Variants in NUP155 observed in about 807,000 individuals in gnomAD.
NUP155 encodes the protein nucleoporin 155, also known as nuclear pore complex protein Nup155.
NUP155 carries 71 observed loss-of-function variants against 180.4 expected under a neutral mutation model. That is an observed-to-expected ratio of 0.39 (90% confidence interval 0.33 to 0.48). NUP155 has a LOEUF of 0.48. Among genes scored for constraint, NUP155 ranks in the 20% least tolerant of loss-of-function variants. NUP155 has a pLI of 0.91. For synonymous variants in NUP155, 582 were observed against 559.5 expected (o/e 1.04, Z -0.57); for missense variants, 1,553 against 1,648.9 (o/e 0.94, Z 1.01).
intron 21 of NUP155, among the ~76,000 whole-genome samples, chr5:37,315,589 C>A (rs770170131): frequency 1.3e-5 from 2 of 148,838 alleles, no homozygotes; most frequent in Admixed American, 6.6e-5. Flanking sequence ...AGAAAAATGA[C>A]AAATGTTGGC....
At chr5:37,342,976 A>G (rs1233885336) in intron 9 of NUP155, among the ~76,000 whole-genome samples, 1 of 152,038 alleles carries the variant, frequency 6.6e-6, no homozygotes, top group Admixed American at 6.6e-5. Context: ...ACCTCGCGTG[A>G]GCGTGATCCG....
chr5:37,326,961 T>C (rs1003073292), intron 18 of NUP155, among the ~76,000 whole-genome samples: 17 of 152,216 alleles, frequency 1.1e-4, no homozygotes, highest in African/African-American at 4.1e-4. Flanking sequence ...ACCCTTCCTC[T>C]TCCTACTCCT....
Position 37,291,104 on chromosome 5 carries a change from C to T in NUP155, c.*796G>A, listed in dbSNP as rs1293589159. 2 of 152,166 alleles carry T rather than the reference C, an allele frequency of 1.3e-5. No individual in the cohort carries two copies. The highest frequency in any genetic ancestry group is 2.9e-5 in the Non-Finnish European group (2 of 68,042). The allele number at this position is 152,166 out of a possible 1,614,324, so 9.4% of individuals were successfully genotyped here. On this transcript the variant is annotated 3_prime_UTR_variant, in exon 35 of 35. Transcript: ENST00000231498. ...GTCAATTCTCAAGGGCTTTAACTGA[C>T]AAAACCAGTTGTTAGAGGACAGTTC...
chr5:37,313,664 C>G (rs1318725720), intron 22 of NUP155, among the ~76,000 whole-genome samples: 1 of 151,924 alleles, frequency 6.6e-6, no homozygotes, highest in African/African-American at 2.4e-5. Context: ...CCACACTTGA[C>G]TAATTTATTT....
Position 37,299,535 on chromosome 5 carries a change from C to A in NUP155, c.3595G>T (p.Ala1199Ser). Residue 1199 changes from alanine (A) to serine (S), a missense_variant, in exon 31 of 35, where the codon GCA becomes TCA. Physicochemically the swap from Ala to Ser is moderately conservative, Grantham distance 99 (BLOSUM62 1). Transcript: ENST00000231498. ...TGAATTATTGCAAGTTTGCACTCTG[C>A]AAGTTTAAATGGGTCAGCAAATTCC... ...YGEFADPFKL[A>S]ECKLAIIHCA... is the part of the protein sequence containing the mutation. 6.2e-7 allele frequency: 1 copy of A among 1,614,060 alleles called. No homozygotes were observed. Among genetic ancestry groups the A allele is most frequent in the Non-Finnish European group, 8.5e-7 (1 of 1,179,968 alleles).
At chr5:37,338,058 T>C (rs2150973276) in intron 11 of NUP155, 140 bp from the exon 12 acceptor site, 2 of 593,046 alleles carry the variant, frequency 3.4e-6, no homozygotes, top group Admixed American at 3.0e-5. Flanking sequence ...CGGTGGCTCA[T>C]GCCTGTAATC....
intron 18 of NUP155, among the ~76,000 whole-genome samples, chr5:37,326,835 C>A (rs527750882): frequency 2.8e-4 from 43 of 152,166 alleles, no homozygotes; most frequent in Non-Finnish European, 5.3e-4. Flanking sequence ...TAACACTGTA[C>A]ATTCATATGT....
At chr5:37,325,314 C>G (rs1446186696) in intron 19 of NUP155, among the ~76,000 whole-genome samples, 1 of 152,010 alleles carries the variant, frequency 6.6e-6, no homozygotes, top group East Asian at 1.9e-4. Context: ...CTCATGACAA[C>G]CTTATGAGGG....
intron 14 of NUP155, among the ~76,000 whole-genome samples, chr5:37,330,378 G>A (rs16903586): frequency 0.047 from 7,076 of 152,134 alleles, 569 homozygotes; most frequent in African/African-American, 0.16. Flanking sequence ...CTTAGTTTCC[G>A]GCTTATGTCT....
In NUP155 at chr5:37,371,076, G is replaced by C. The variant is rs1338676394; in HGVS notation, c.-99C>G. On this transcript the variant is annotated 5_prime_UTR_variant, in exon 1 of 35. Transcript: ENST00000231498. The stretch of plus-strand genomic sequence containing the variant: ...AGCTTAGATCCGCCGCCTAGGGCGC[G>C]CGCGCCAAACGAGCGCCTTGGCGCC... The C allele has an allele frequency of 3.7e-6, 5 of 1,340,744 alleles. No individual in the cohort carries two copies. The highest frequency in any genetic ancestry group is 2.1e-4 in the Middle Eastern group (1 of 4,814). 83.1% of individuals were successfully genotyped at this position (1,340,744 alleles called of 1,614,324 possible).
At chr5:37,356,809 G>A (rs16903599) in intron 4 of NUP155, among the ~76,000 whole-genome samples, 8,336 of 152,164 alleles carry the variant, frequency 0.055, 727 homozygotes, top group African/African-American at 0.18. Context: ...TCACTTCCAC[G>A]GGCCATCAAG....
At chr5:37,294,192 A>G (rs1742393518) in intron 33 of NUP155, 137 bp downstream of exon 33, 1 of 614,136 alleles carries the variant, frequency 1.6e-6, no homozygotes, top group East Asian at 2.9e-5. Context: ...AGTCAAAAGC[A>G]TAATTTCCAA....
Position 37,303,421 on chromosome 5 carries a change from A to G in NUP155, c.3163-7T>C. 6.2e-7 allele frequency: 1 copy of G among 1,613,300 alleles called. No homozygotes were observed. Among genetic ancestry groups the G allele is most frequent in the South Asian group, 1.1e-5 (1 of 91,026 alleles). ...CCAGAAATGGAGAAGCAACCTAGAA[A>G]TTATATAGTTATTCAGAAAAATTTT... On this transcript the variant is annotated splice_polypyrimidine_tract_variant and splice_region_variant and intron_variant, in intron 27 of 34. Transcript: ENST00000231498.
At chr5:37,358,982 C>T (rs2111672923) in intron 3 of NUP155, among the ~76,000 whole-genome samples, 1 of 150,882 alleles carries the variant, frequency 6.6e-6, no homozygotes, top group Non-Finnish European at 1.5e-5. Flanking sequence ...CACCACTGCA[C>T]TCCAGCCTGG....
At chr5:37,300,290 A>G (rs1403854555) in intron 30 of NUP155, among the ~76,000 whole-genome samples, 1 of 152,214 alleles carries the variant, frequency 6.6e-6, no homozygotes, top group East Asian at 1.9e-4. Flanking sequence ...TGAGTTACAA[A>G]TAATCCAATT....
intron 32 of NUP155, among the ~76,000 whole-genome samples, chr5:37,296,313 T>A (rs1405619910): frequency 6.6e-6 from 1 of 152,050 alleles, no homozygotes; most frequent in Non-Finnish European, 1.5e-5. Flanking sequence ...TGGGAGACTT[T>A]TCATTTTGTT....
At chr5:37,350,332 T>C in intron 6 of NUP155, 67 bp from the exon 7 acceptor site, 2 of 989,404 alleles carry the variant, frequency 2.0e-6, no homozygotes, top group Non-Finnish European at 3.2e-6. Context: ...CTACTGTATA[T>C]CCATATTTAT....
intron 9 of NUP155, among the ~76,000 whole-genome samples, chr5:37,344,126 G>A (rs1017738518): frequency 1.3e-5 from 2 of 151,710 alleles, no homozygotes; most frequent in Non-Finnish European, 2.9e-5. Context: ...GATCACTTGA[G>A]GCCAGGAGTT....
chr5:37,350,612 T>C (rs1208940810), intron 6 of NUP155, among the ~76,000 whole-genome samples: 2 of 152,000 alleles, frequency 1.3e-5, no homozygotes, highest in Admixed American at 1.3e-4. Context: ...GAGACCAGCC[T>C]AGCCAACATG....
Sources: gnomAD v4.1 joint callset for allele counts (sites outside exome capture counted in the v4.1 genomes callset) on GRCh38, gnomAD v4.1.1 for gene constraint, MANE v1.5 for transcripts, NCBI Gene and HGNC (gene_info 2026-07-23, HGNC 2026-07-21) for gene names.